The following CWC27 variants were observed in gnomAD, a reference collection of about 807,000 sequenced individuals.
CWC27 encodes the protein spliceosome-associated protein CWC27 homolog.
CWC27 carries 47 observed loss-of-function variants against 63.6 expected under a neutral mutation model. That is an observed-to-expected ratio of 0.74 (90% CI 0.58 to 0.94). CWC27 has a LOEUF of 0.94. CWC27 is among the 40% of genes least tolerant of loss of function. The probability of loss-of-function intolerance (pLI) is 0.00; values close to 1 mark genes in which losing one functional copy is unlikely to be tolerated. For synonymous variants in CWC27, 175 were observed against 179.8 expected (o/e 0.97, Z 0.22); for missense variants, 495 against 554.3 (o/e 0.89, Z 1.07).
At chr5:64,905,547 A>G (rs1452663902) in intron 11 of CWC27, among the ~76,000 whole-genome samples, 1 of 152,234 alleles carries the variant, frequency 6.6e-6, no homozygotes, top group Non-Finnish European at 1.5e-5. Flanking sequence ...AATAAAGACT[A>G]GTAATGCCCA....
intron 13 of CWC27, among the ~76,000 whole-genome samples, chr5:64,992,317 A>T (rs764055664): frequency 1.6e-4 from 24 of 152,242 alleles, no homozygotes; most frequent in Non-Finnish European, 3.2e-4. Context: ...ATGGCAATAA[A>T]TGGTGAGATT....
intron 10 of CWC27, among the ~76,000 whole-genome samples, chr5:64,812,591 T>C (rs1483856744): frequency 2.6e-5 from 4 of 152,264 alleles, no homozygotes; most frequent in Admixed American, 2.0e-4. Context: ...ATATTAAGCT[T>C]TGGACCAGTC....
chr5:64,985,380 A>T (rs1265447493), intron 13 of CWC27, among the ~76,000 whole-genome samples: 1 of 152,108 alleles, frequency 6.6e-6, no homozygotes, highest in East Asian at 1.9e-4. Context: ...CATCTTTACT[A>T]TGTTGAGTTT....
intron 10 of CWC27, 136 bp downstream of exon 10, chr5:64,804,522 T>TGA: frequency 1.1e-6 from 1 of 934,454 alleles, no homozygotes; most frequent in Non-Finnish European, 1.5e-6. Context: ...GTTGTACAAA[T>TGA]TGGCCCATTA....
At chr5:65,007,014 GAAA>G (rs1749858928) in intron 13 of CWC27, among the ~76,000 whole-genome samples, 1 of 136,794 alleles carries the variant, frequency 7.3e-6, no homozygotes, top group South Asian at 2.4e-4. Flanking sequence ...AAGAAAGAAA[GAAA>G]GAAAGAAAAG....
chr5:64,894,460 A>AC (rs1747319516), intron 11 of CWC27, among the ~76,000 whole-genome samples: 1 of 151,496 alleles, frequency 6.6e-6, no homozygotes, highest in Non-Finnish European at 1.5e-5. Flanking sequence ...TGTTTCTAAA[A>AC]CCCCCCTAGG....
At chr5:64,771,813 C>T (rs1223712118) in intron 1 of CWC27, among the ~76,000 whole-genome samples, 1 of 152,106 alleles carries the variant, frequency 6.6e-6, no homozygotes, top group African/African-American at 2.4e-5. Context: ...AGGAAGGAGC[C>T]ATATACCTTC....
intron 10 of CWC27, among the ~76,000 whole-genome samples, chr5:64,863,642 G>A (rs188973330): frequency 2.8e-4 from 43 of 152,054 alleles, no homozygotes; most frequent in African/African-American, 1.0e-3. Flanking sequence ...CTATGGGAAC[G>A]CACCATCATG....
intron 5 of CWC27, among the ~76,000 whole-genome samples, chr5:64,786,305 G>C (rs1004270226): frequency 6.6e-6 from 1 of 152,014 alleles, no homozygotes; most frequent in African/African-American, 2.4e-5. Flanking sequence ...GTAAAATGGG[G>C]ATAAAATATC....
chr5:64,981,480 C>T (rs1749330499), intron 13 of CWC27, among the ~76,000 whole-genome samples: 1 of 152,038 alleles, frequency 6.6e-6, no homozygotes, highest in African/African-American at 2.4e-5. Context: ...TTTATTTGAC[C>T]ATGTTGTTGG....
intron 11 of CWC27, among the ~76,000 whole-genome samples, chr5:64,961,332 A>G (rs911575574): frequency 1.3e-5 from 2 of 152,200 alleles, no homozygotes; most frequent in Non-Finnish European, 2.9e-5. Flanking sequence ...TCCTCAAGCT[A>G]CTTCCTAGCT....
At chr5:64,914,828 G>T (rs1036782346) in intron 11 of CWC27, among the ~76,000 whole-genome samples, 5 of 152,058 alleles carry the variant, frequency 3.3e-5, no homozygotes, top group Non-Finnish European at 5.9e-5. Context: ...TTAATAGTGA[G>T]AAACAAGAAA....
chr5:64,803,133 G>A (rs569561573), intron 9 of CWC27, among the ~76,000 whole-genome samples: 1 of 152,238 alleles, frequency 6.6e-6, no homozygotes, highest in South Asian at 2.1e-4. Flanking sequence ...AATTTTAGGT[G>A]TTAATAAACA....
At chr5:64,971,866 A>T in intron 12 of CWC27, 54 bp downstream of exon 12, 1 of 1,179,326 alleles carries the variant, frequency 8.5e-7, no homozygotes, top group Non-Finnish European at 1.2e-6. Context: ...TATTGTTTTT[A>T]AGTGTTTCTA....
At chr5:64,821,221 A>C (rs751096201) in intron 10 of CWC27, among the ~76,000 whole-genome samples, 1 of 151,524 alleles carries the variant, frequency 6.6e-6, no homozygotes, top group African/African-American at 2.4e-5. Context: ...AGTAGCTGGG[A>C]TTACAGGCAC....
intron 2 of CWC27, among the ~76,000 whole-genome samples, chr5:64,777,126 G>A (rs1225005131): frequency 6.6e-6 from 1 of 152,078 alleles, no homozygotes; most frequent in Non-Finnish European, 1.5e-5. Flanking sequence ...ATAGACAAGT[G>A]GGGAGCAGAG....
At chr5:64,851,563 G>A (rs530588171) in intron 10 of CWC27, among the ~76,000 whole-genome samples, 1 of 152,260 alleles carries the variant, frequency 6.6e-6, no homozygotes, top group South Asian at 2.1e-4. Context: ...TCTCACCACA[G>A]AAGTATGTTA....
At chr5:64,817,521 A>C (rs1345377763) in intron 10 of CWC27, among the ~76,000 whole-genome samples, 1 of 152,164 alleles carries the variant, frequency 6.6e-6, no homozygotes, top group Non-Finnish European at 1.5e-5. Flanking sequence ...CAACCACTGT[A>C]GTGTTTATCA....
intron 2 of CWC27, 34 bp from the exon 3 acceptor site, chr5:64,781,887 A>G (rs1743703289): frequency 8.9e-7 from 1 of 1,118,482 alleles, no homozygotes; most frequent in African/African-American, 1.6e-5. Flanking sequence ...GATTAATTTT[A>G]GACATTGATA....
Sources: allele counts gnomAD v4.1 joint callset (sites outside exome capture counted in the v4.1 genomes callset), GRCh38; gene constraint gnomAD v4.1.1; transcripts MANE v1.5; gene names NCBI Gene and HGNC (gene_info 2026-07-23, HGNC 2026-07-21).